PAH: variants seen among roughly 807,000 people sequenced by gnomAD.
PAH encodes the protein phenylalanine hydroxylase, also known as phenylalanine-4-hydroxylase.
PAH carries 64 observed loss-of-function variants against 62.0 expected under a neutral mutation model. The ratio of observed to expected loss-of-function variants is 1.03; its 90% CI spans 0.84 to 1.27. The LOEUF is 1.27. Among genes scored for constraint, PAH ranks in the 50% most tolerant of loss-of-function variants. PAH has a pLI of 0.00. For synonymous variants in PAH, 195 were observed against 196.2 expected, an observed-to-expected ratio of 0.99 and a Z score of 0.05; for missense variants, 579 against 542.8, an observed-to-expected ratio of 1.07 and a Z score of -0.66.
chr12:102,913,529 C>T (rs1411259287), intron 1 of PAH, among the ~76,000 whole-genome samples: 3 of 151,958 alleles, frequency 2.0e-5, no homozygotes, highest in Non-Finnish European at 2.9e-5. Context: ...TCTGTCAAAA[C>T]AGTATTCAGA....
intron 1 of PAH, among the ~76,000 whole-genome samples, chr12:102,956,619 C>T (rs1261714601): frequency 1.3e-5 from 2 of 152,198 alleles, no homozygotes; most frequent in African/African-American, 4.8e-5. Flanking sequence ...CATCACTCAA[C>T]CCCCGCCCCG....
chr12:102,884,295 C>T (rs1385019241), intron 3 of PAH, among the ~76,000 whole-genome samples: 1 of 152,164 alleles, frequency 6.6e-6, no homozygotes, highest in African/African-American at 2.4e-5. Context: ...GACTGGGGGT[C>T]GATCCCTGAT....
intron 5 of PAH, among the ~76,000 whole-genome samples, chr12:102,865,112 C>A (rs1875900092): frequency 6.6e-6 from 1 of 152,130 alleles, no homozygotes. Flanking sequence ...TGATTAACAT[C>A]CAGGATTGTG....
At chr12:102,937,266 A>G (rs934817559) in intron 1 of PAH, among the ~76,000 whole-genome samples, 1 of 152,208 alleles carries the variant, frequency 6.6e-6, no homozygotes, top group Non-Finnish European at 1.5e-5. Context: ...GCTATTATTA[A>G]GTAAGGACTT....
chr12:102,848,681 G>A (rs1265858123), intron 8 of PAH, among the ~76,000 whole-genome samples: 1 of 151,106 alleles, frequency 6.6e-6, no homozygotes, highest in African/African-American at 2.4e-5. Flanking sequence ...GAGGCTGAGT[G>A]TAGACAGGAC....
intron 5 of PAH, among the ~76,000 whole-genome samples, chr12:102,865,128 A>G (rs1179394471): frequency 2.0e-5 from 3 of 152,180 alleles, no homozygotes; most frequent in Admixed American, 1.3e-4. Flanking sequence ...TTGTGAGGTG[A>G]TTCACCAATT....
At chr12:102,949,647 T>C (rs1379272756) in intron 1 of PAH, among the ~76,000 whole-genome samples, 1 of 152,166 alleles carries the variant, frequency 6.6e-6, no homozygotes, top group Non-Finnish European at 1.5e-5. Context: ...TGTCTGCTCA[T>C]GAATTGTTAT....
intron 5 of PAH, among the ~76,000 whole-genome samples, chr12:102,859,451 G>A (rs546780998): frequency 2.0e-5 from 3 of 152,170 alleles, no homozygotes; most frequent in Admixed American, 6.5e-5. Flanking sequence ...AGAAAAAGAG[G>A]GAATCCTCCC....
chr12:102,907,942 T>C (rs1878045317), intron 2 of PAH, among the ~76,000 whole-genome samples: 1 of 152,046 alleles, frequency 6.6e-6, no homozygotes, highest in Non-Finnish European at 1.5e-5. Context: ...TGAGTGATTT[T>C]AACATTTTGC....
intron 1 of PAH, among the ~76,000 whole-genome samples, chr12:102,932,644 C>T (rs373959805): frequency 6.6e-6 from 1 of 152,172 alleles, no homozygotes; most frequent in Non-Finnish European, 1.5e-5. Context: ...CAATTCACTT[C>T]TTCAACAGGT....
chr12:102,924,312 C>G (rs1480488940), intron 1 of PAH, among the ~76,000 whole-genome samples: 2 of 151,958 alleles, frequency 1.3e-5, no homozygotes, highest in African/African-American at 4.8e-5. Flanking sequence ...GCAGCAAAAA[C>G]AAAACAATCA....
intron 1 of PAH, among the ~76,000 whole-genome samples, chr12:102,935,670 T>G (rs1879074929): frequency 6.7e-6 from 1 of 149,062 alleles, no homozygotes. Flanking sequence ...GTTTTCCAAT[T>G]TAGTGGTGTA....
intron 3 of PAH, among the ~76,000 whole-genome samples, chr12:102,879,442 G>A (rs1421638352): frequency 6.6e-6 from 1 of 151,814 alleles, no homozygotes; most frequent in African/African-American, 2.4e-5. Flanking sequence ...GGAGCCTCAG[G>A]AGGAGCAGCA....
intron 3 of PAH, among the ~76,000 whole-genome samples, chr12:102,884,716 G>C (rs1411805671): frequency 6.6e-6 from 1 of 152,164 alleles, no homozygotes; most frequent in Non-Finnish European, 1.5e-5. Context: ...GAGGCCACTA[G>C]AGGCCAAGCC....
chr12:102,926,660 A>G (rs548211979), intron 1 of PAH, among the ~76,000 whole-genome samples: 90 of 152,216 alleles, frequency 5.9e-4, no homozygotes, highest in Non-Finnish European at 1.0e-3. Flanking sequence ...TTTTGTGAGC[A>G]TATTTCTAAA....
intron 8 of PAH, among the ~76,000 whole-genome samples, chr12:102,847,573 G>A (rs1592949744): frequency 1.3e-5 from 2 of 152,178 alleles, no homozygotes; most frequent in African/African-American, 4.8e-5. Context: ...GCCAGGCAGT[G>A]TATAAAATCA....
chr12:102,923,084 AG>A (rs1248370444), intron 1 of PAH, among the ~76,000 whole-genome samples: 1 of 152,222 alleles, frequency 6.6e-6, no homozygotes, highest in African/African-American at 2.4e-5. Flanking sequence ...TCAACAAGTA[AG>A]TTCAGATTTA....
At chr12:102,894,019 C>G (rs1453915085) in intron 3 of PAH, among the ~76,000 whole-genome samples, 1 of 152,132 alleles carries the variant, frequency 6.6e-6, no homozygotes, top group Non-Finnish European at 1.5e-5. Context: ...CAGGTGTCTC[C>G]AGCTCTGGAA....
intron 1 of PAH, among the ~76,000 whole-genome samples, chr12:102,940,346 A>T (rs1879247736): frequency 1.3e-5 from 2 of 152,264 alleles, no homozygotes; most frequent in African/African-American, 4.8e-5. Context: ...GAAATGACAG[A>T]CATAAAATTC....
Sources: allele counts gnomAD v4.1 joint callset (sites outside exome capture counted in the v4.1 genomes callset), GRCh38; gene constraint gnomAD v4.1.1; transcripts MANE v1.5; gene names NCBI Gene and HGNC (gene_info 2026-07-23, HGNC 2026-07-21).